ATP10B: variants seen among roughly 807,000 people sequenced by gnomAD.
The protein encoded by ATP10B is phospholipid-transporting ATPase VB.
ATP10B carries 122 observed loss-of-function variants against 141.2 expected under a neutral mutation model. The observed-to-expected ratio is 0.86, with a 90% confidence interval of 0.75 to 1.00. ATP10B has a LOEUF of 1.00. Among genes scored for constraint, ATP10B ranks in the 50% least tolerant of loss-of-function variants. The pLI, the probability that ATP10B is intolerant of heterozygous loss-of-function variation, is 0.00. For synonymous variants in ATP10B, 685 were observed against 692.0 expected (o/e 0.99, Z 0.16); for missense variants, 1,876 against 1,825.3 (o/e 1.03, Z -0.51).
the ATP10B span, among the ~76,000 whole-genome samples, chr5:160,876,169 G>T: frequency 3.9e-5 from 2 of 50,848 alleles, no homozygotes; most frequent in Non-Finnish European, 6.0e-5. Flanking sequence ...AAAGAACAGA[G>T]ATTATAACAA....
chr5:160,908,990 A>T, the ATP10B span, among the ~76,000 whole-genome samples: 1 of 152,114 alleles, frequency 6.6e-6, no homozygotes, highest in Non-Finnish European at 1.5e-5. Context: ...TTAAATATTA[A>T]TCAAATATCT....
the ATP10B span, among the ~76,000 whole-genome samples, chr5:160,911,267 G>A: frequency 6.6e-6 from 1 of 152,156 alleles, no homozygotes; most frequent in Non-Finnish European, 1.5e-5. Flanking sequence ...TCTGCTATAC[G>A]TTGGACATTC....
At chr5:160,601,934 T>C (rs1241638549) in intron 21 of ATP10B, among the ~76,000 whole-genome samples, 1 of 152,226 alleles carries the variant, frequency 6.6e-6, no homozygotes, top group Admixed American at 6.5e-5. Flanking sequence ...TCCAGGCTTA[T>C]ATTCTGTGAC....
intron 2 of ATP10B, among the ~76,000 whole-genome samples, chr5:160,730,626 C>A (rs372413459): frequency 6.6e-6 from 1 of 152,114 alleles, no homozygotes; most frequent in African/African-American, 2.4e-5. Flanking sequence ...GTGCACACTG[C>A]CCACAAAGTA....
At chr5:160,587,685 G>T (rs1755999381) in intron 24 of ATP10B, among the ~76,000 whole-genome samples, 1 of 152,058 alleles carries the variant, frequency 6.6e-6, no homozygotes, top group African/African-American at 2.4e-5. Context: ...TATTCTCTTT[G>T]TAGCAATTGT....
At chr5:160,706,128 C>T (rs1046470647) in intron 3 of ATP10B, among the ~76,000 whole-genome samples, 1 of 152,100 alleles carries the variant, frequency 6.6e-6, no homozygotes, top group Non-Finnish European at 1.5e-5. Context: ...AAAATGATTA[C>T]AATAGTAACA....
chr5:160,819,339 C>T (rs954130060), intron 1 of ATP10B, among the ~76,000 whole-genome samples: 2 of 152,046 alleles, frequency 1.3e-5, no homozygotes, highest in African/African-American at 4.8e-5. Context: ...AAATATTCTT[C>T]AAGCATGAAG....
chr5:160,788,841 C>T (rs1023372128), intron 1 of ATP10B, among the ~76,000 whole-genome samples: 3 of 152,100 alleles, frequency 2.0e-5, no homozygotes, highest in Admixed American at 1.3e-4. Context: ...TATCCATCCA[C>T]CATCCATCCA....
rs537710661 is a variant in ATP10B at position 160,681,080 on chromosome 5, T to TAC, written c.470+4997_470+4998dup. Reference sequence around the variant, plus strand: ...GATTGAACCATGCTGATCACCCTCCTACCTCAGGACACTTGTAATGACTTA... The same window carrying TAC: ...GATTGAACCATGCTGATCACCCTCCTACACCTCAGGACACTTGTAATGACTTA... On this transcript the variant is annotated intron_variant, in intron 6 of 25. Coordinates refer to ENST00000327245, the MANE Select transcript of ATP10B (RefSeq NM_025153.3). 2.3e-3 allele frequency among the ~76,000 whole-genome samples: 349 copies of TAC among 152,288 alleles called. 1 individual carries two copies. The highest frequency in any genetic ancestry group is 8.2e-3 in the African/African-American group (340 of 41,558).
chr5:160,622,629 G>A (rs369111926), intron 13 of ATP10B, 44 bp from the exon 14 acceptor site: 6 of 1,539,784 alleles, frequency 3.9e-6, no homozygotes, highest in Non-Finnish European at 4.4e-6. Flanking sequence ...TGGGAAGGAA[G>A]CCCACTCCAG....
intron 8 of ATP10B, among the ~76,000 whole-genome samples, chr5:160,647,841 A>G (rs999603066): frequency 6.6e-6 from 1 of 152,130 alleles, no homozygotes; most frequent in African/African-American, 2.4e-5. Flanking sequence ...TAATTTGCCT[A>G]TAAAAGCTAT....
At chr5:160,796,500 T>G (rs1394302537) in intron 1 of ATP10B, among the ~76,000 whole-genome samples, 1 of 152,178 alleles carries the variant, frequency 6.6e-6, no homozygotes, top group Non-Finnish European at 1.5e-5. Context: ...AAATAGTGCC[T>G]TCTAAATGAG....
intron 7 of ATP10B, among the ~76,000 whole-genome samples, chr5:160,652,947 A>AATATATTATATATACATGT (rs1561702316): frequency 1.2e-5 from 1 of 84,248 alleles, no homozygotes; most frequent in East Asian, 2.9e-4. Flanking sequence ...ATGTATATAT[A>AATATATTATATATACATGT]ATATATTATA....
At chr5:160,652,367 G>A (rs1364808897) in intron 7 of ATP10B, among the ~76,000 whole-genome samples, 2 of 151,764 alleles carry the variant, frequency 1.3e-5, no homozygotes, top group African/African-American at 4.8e-5. Context: ...TTTCCCTCCA[G>A]GGCAGCTGCT....
chr5:160,577,182 A>C (rs1347034016), intron 24 of ATP10B, among the ~76,000 whole-genome samples: 1 of 152,184 alleles, frequency 6.6e-6, no homozygotes, highest in African/African-American at 2.4e-5. Context: ...ATAGCAAAAC[A>C]TCTTAAGGTT....
At chr5:160,663,154 G>C (rs1376776230) in intron 7 of ATP10B, among the ~76,000 whole-genome samples, 1 of 152,104 alleles carries the variant, frequency 6.6e-6, no homozygotes, top group Non-Finnish European at 1.5e-5. Flanking sequence ...TGCTGGAGAG[G>C]ATGTGGAGAA....
At chr5:160,581,730 T>C (rs543948851) in intron 24 of ATP10B, among the ~76,000 whole-genome samples, 1 of 152,328 alleles carries the variant, frequency 6.6e-6, no homozygotes, top group Admixed American at 6.5e-5. Flanking sequence ...TGTTGATCTG[T>C]CTACTATTGA....
chr5:160,672,851 G>A (rs1345695223), intron 6 of ATP10B, among the ~76,000 whole-genome samples: 1 of 152,234 alleles, frequency 6.6e-6, no homozygotes, highest in East Asian at 1.9e-4. Context: ...GGGTTTTGGT[G>A]TCTTCCTCCC....
chr5:160,623,290 CA>C (rs1235933376), intron 13 of ATP10B, among the ~76,000 whole-genome samples: 4 of 152,248 alleles, frequency 2.6e-5, no homozygotes, highest in Non-Finnish European at 4.4e-5. Flanking sequence ...TCCTGAACCA[CA>C]ATAGCAGATT....
Sources: allele counts gnomAD v4.1 joint callset (sites outside exome capture counted in the v4.1 genomes callset), GRCh38; gene constraint gnomAD v4.1.1; transcripts MANE v1.5; gene names NCBI Gene and HGNC (gene_info 2026-07-23, HGNC 2026-07-21).